Variants in RFTN2 observed in about 807,000 individuals in gnomAD.
The protein encoded by RFTN2 is raftlin-2.
Under a neutral mutation model 52.7 loss-of-function variants are expected in RFTN2, and 34 were observed. The observed-to-expected ratio is 0.64, with a 90% CI of 0.49 to 0.86. The LOEUF is 0.86. RFTN2 is among the 40% of genes least tolerant of loss of function. The pLI, the probability that RFTN2 is intolerant of heterozygous loss-of-function variation, is 0.00. For synonymous variants in RFTN2, 203 were observed against 217.7 expected, an observed-to-expected ratio of 0.93 and a Z score of 0.59; for missense variants, 536 against 600.1, an observed-to-expected ratio of 0.89 and a Z score of 1.12.
At chr2:197,595,866 A>G (rs1002736936) in intron 8 of RFTN2, 125 bp downstream of exon 8, 3 of 586,218 alleles carry the variant, frequency 5.1e-6, no homozygotes, top group Non-Finnish European at 9.0e-6. Flanking sequence ...CATTTCCCTT[A>G]TAGGTTGGTT....
chr2:197,595,935 T>G, intron 8 of RFTN2, 56 bp downstream of exon 8: 1 of 1,183,088 alleles, frequency 8.5e-7, no homozygotes, highest in Non-Finnish European at 1.3e-6. Context: ...AATGAGAGTT[T>G]AAGGATTAAA....
chr2:197,637,597 C>A (rs1317221831), intron 3 of RFTN2, among the ~76,000 whole-genome samples: 5 of 152,168 alleles, frequency 3.3e-5, no homozygotes, highest in Admixed American at 6.5e-5. Flanking sequence ...TCCCCTTTAT[C>A]ATTTTTTATT....
At chr2:197,624,202 A>G (rs531138463) in intron 5 of RFTN2, among the ~76,000 whole-genome samples, 2 of 152,360 alleles carry the variant, frequency 1.3e-5, no homozygotes, top group South Asian at 4.1e-4. Context: ...TTTAGGCGAT[A>G]AAGCAATTGG....
intron 3 of RFTN2, among the ~76,000 whole-genome samples, chr2:197,634,718 G>A (rs1474355483): frequency 6.9e-6 from 1 of 144,514 alleles, no homozygotes; most frequent in Non-Finnish European, 1.5e-5. Flanking sequence ...TTATTTTTAA[G>A]GATTATTTAT....
At chr2:197,575,393 G>A (rs2087395052) in intron 8 of RFTN2, among the ~76,000 whole-genome samples, 1 of 152,202 alleles carries the variant, frequency 6.6e-6, no homozygotes. Flanking sequence ...TGTCTAGAAT[G>A]TCTTCAAGGG....
chr2:197,590,649 T>G (rs550243773), intron 8 of RFTN2, among the ~76,000 whole-genome samples: 2 of 152,154 alleles, frequency 1.3e-5, no homozygotes, highest in Non-Finnish European at 2.9e-5. Flanking sequence ...CGGAGTTTGC[T>G]CCTTCTGGTG....
At chr2:197,588,955 G>A (rs562024342) in intron 8 of RFTN2, among the ~76,000 whole-genome samples, 1 of 152,232 alleles carries the variant, frequency 6.6e-6, no homozygotes, top group Non-Finnish European at 1.5e-5. Context: ...CAGGCACAGT[G>A]GCTCACGCCT....
intron 5 of RFTN2, among the ~76,000 whole-genome samples, chr2:197,628,131 T>TTCAGAGAAGCA: frequency 6.6e-6 from 1 of 152,174 alleles, no homozygotes; most frequent in South Asian, 2.1e-4. Flanking sequence ...TCAGCCCTGC[T>TTCAGAGAAGCA]TCCTCTGAAT....
chr2:197,672,439 G>A (rs2089160071), intron 1 of RFTN2, among the ~76,000 whole-genome samples: 3 of 152,128 alleles, frequency 2.0e-5, no homozygotes, highest in Admixed American at 2.0e-4. Context: ...TGTATCAGAG[G>A]GGAAATGCAG....
At chr2:197,631,971 C>A (rs2088475910) in intron 4 of RFTN2, among the ~76,000 whole-genome samples, 1 of 152,144 alleles carries the variant, frequency 6.6e-6, no homozygotes, top group Non-Finnish European at 1.5e-5. Context: ...CCCCATTCTC[C>A]CTCTTCTAAT....
At chr2:197,587,072 T>C (rs1460233851) in intron 8 of RFTN2, among the ~76,000 whole-genome samples, 1 of 152,164 alleles carries the variant, frequency 6.6e-6, no homozygotes, top group Non-Finnish European at 1.5e-5. Flanking sequence ...ACCTTGTATC[T>C]TCCGTTTAGT....
At chr2:197,594,552 A>C (rs1029838873) in intron 8 of RFTN2, among the ~76,000 whole-genome samples, 1 of 151,938 alleles carries the variant, frequency 6.6e-6, no homozygotes, top group Non-Finnish European at 1.5e-5. Context: ...GGCTGGTCTC[A>C]AACTCCTGGG....
chr2:197,602,211 G>A lies in RFTN2; in HGVS notation c.1155-6142C>T, dbSNP rs539998964. On this transcript the variant is annotated intron_variant, in intron 7 of 8. Transcript: ENST00000295049. ...CTCCCAAGTAGCTGGGACTACAGGC[G>A]TGCGCCATTATGCCTGGCTAATTTT... Among the ~76,000 whole-genome samples the A allele has an allele frequency of 9.9e-5, 15 of 152,050 alleles. No homozygotes were observed. In the East Asian group the frequency reaches 1.4e-3, roughly 14 times the overall value.
rs563425149 is a variant in RFTN2 at position 197,659,494 on chromosome 2, A to AG, written c.140-12829_140-12828insC. ...CCATCTCATAAAAAAAAAAAAAAAA[A>AG]AAAAAGAAATATTATTTCCTCAGAT... On this transcript the variant is annotated intron_variant, in intron 1 of 8. Transcript: ENST00000295049. 2.3e-3 allele frequency among the ~76,000 whole-genome samples: 354 copies of AG among 151,548 alleles called. 4 individuals are homozygous for AG. The highest frequency in any genetic ancestry group is 8.2e-3 in the African/African-American group (340 of 41,270).
At chr2:197,587,103 G>T (rs2087611972) in intron 8 of RFTN2, among the ~76,000 whole-genome samples, 2 of 152,008 alleles carry the variant, frequency 1.3e-5, no homozygotes, top group African/African-American at 4.8e-5. Flanking sequence ...ATACAAAACT[G>T]CATCCAGGCC....
chr2:197,608,992 C>T (rs939688624), intron 7 of RFTN2, among the ~76,000 whole-genome samples: 1 of 152,136 alleles, frequency 6.6e-6, no homozygotes, highest in African/African-American at 2.4e-5. Context: ...CATAGCATTG[C>T]ATGGTGTTTA....
At chr2:197,615,659 G>C (rs2088129575) in intron 7 of RFTN2, among the ~76,000 whole-genome samples, 1 of 152,150 alleles carries the variant, frequency 6.6e-6, no homozygotes, top group Non-Finnish European at 1.5e-5. Flanking sequence ...GCTGGGGTGA[G>C]AACAGTTTTG....
At chr2:197,669,190 G>A (rs1401804276) in intron 1 of RFTN2, among the ~76,000 whole-genome samples, 1 of 152,120 alleles carries the variant, frequency 6.6e-6, no homozygotes, top group African/African-American at 2.4e-5. Flanking sequence ...GATATATGAA[G>A]GACCAAATTA....
chr2:197,575,321 T>A (rs2087393538), intron 8 of RFTN2, among the ~76,000 whole-genome samples: 1 of 152,236 alleles, frequency 6.6e-6, no homozygotes, highest in African/African-American at 2.4e-5. Flanking sequence ...TATGTCTTTA[T>A]TAGCAACGTG....
Sources: gnomAD v4.1 joint callset for allele counts (sites outside exome capture counted in the v4.1 genomes callset) on GRCh38, gnomAD v4.1.1 for gene constraint, MANE v1.5 for transcripts, NCBI Gene and HGNC (gene_info 2026-07-23, HGNC 2026-07-21) for gene names.